The following MID1 variants were observed in gnomAD, a reference collection of about 807,000 sequenced individuals.
MID1 encodes E3 ubiquitin-protein ligase Midline-1.
Under a neutral mutation model 40.4 loss-of-function variants are expected in MID1, and 7 were observed. The ratio of observed to expected loss-of-function variants is 0.17; its 90% CI spans 0.10 to 0.33. MID1 has a LOEUF of 0.33. Ranked by LOEUF, MID1 falls within the 10% of genes least tolerant of loss-of-function variation. The pLI is 1.00. For synonymous variants in MID1, 229 were observed against 221.2 expected, an observed-to-expected ratio of 1.04 and a Z score of -0.31; for missense variants, 367 against 558.5, an observed-to-expected ratio of 0.66 and a Z score of 3.46.
At chrX:10,540,225 G>A (rs987448486) in intron 2 of MID1, among the ~76,000 whole-genome samples, 1 of 111,537 alleles carries the variant, frequency 9.0e-6, no homozygotes, top group African/African-American at 3.3e-5. Context: ...AAAAAGGATC[G>A]TGGAAGACTT....
rs748126421 is a variant in MID1, at chrX:10,459,740, G to A, written c.1353C>T (p.His451=). ...PNIKQNHYTV[H]GLQSGTKYIF... is the part of the protein sequence containing the mutation. ...TGTACTTGGTGCCGCTCTGCAGACCGTGCACCGTGTAGTGGTTCTGCTTGA... is the reference window on the plus strand; with the variant it reads ...TGTACTTGGTGCCGCTCTGCAGACCATGCACCGTGTAGTGGTTCTGCTTGA... Residue 451 remains histidine (H), a synonymous_variant, in exon 8 of 10, where the codon CAC becomes CAT. Transcript: ENST00000317552. 37 of 1,209,468 alleles carry A rather than the reference G, an allele frequency of 3.1e-5. No homozygotes were observed. Among genetic ancestry groups the A allele is most frequent in the Middle Eastern group, 2.3e-4 (1 of 4,338 alleles).
intron 1 of MID1, among the ~76,000 whole-genome samples, chrX:10,707,991 G>C (rs1248561621): frequency 8.8e-6 from 1 of 113,066 alleles, no homozygotes; most frequent in Non-Finnish European, 1.9e-5. Flanking sequence ...CACTAGTCAA[G>C]TGTGGTTTAA....
At chrX:10,467,037 C>T (rs774190236) in intron 7 of MID1, among the ~76,000 whole-genome samples, 2 of 111,097 alleles carry the variant, frequency 1.8e-5, no homozygotes, top group Non-Finnish European at 3.8e-5. Context: ...CTTGGGGATA[C>T]TGGGGCATTG....
chrX:10,682,142 TA>T (rs1180916790), intron 1 of MID1, among the ~76,000 whole-genome samples: 5 of 108,743 alleles, frequency 4.6e-5, no homozygotes, highest in South Asian at 3.9e-4. Context: ...CCCATCTCAA[TA>T]AAAAAAAATG....
At chrX:10,730,195 G>C (rs941533519) in intron 1 of MID1, among the ~76,000 whole-genome samples, 1 of 111,074 alleles carries the variant, frequency 9.0e-6, no homozygotes. Context: ...GTTATGTAGA[G>C]TATAGATTTG....
intron 1 of MID1, among the ~76,000 whole-genome samples, chrX:10,770,667 T>C (rs2043759680): frequency 8.9e-6 from 1 of 112,378 alleles, no homozygotes; most frequent in Non-Finnish European, 1.9e-5. Context: ...CTTTCATCAA[T>C]CATGTGCCTC....
At chrX:10,575,313 C>G (rs1476989934) in intron 1 of MID1, among the ~76,000 whole-genome samples, 1 of 111,911 alleles carries the variant, frequency 8.9e-6, no homozygotes, top group Non-Finnish European at 1.9e-5. Flanking sequence ...TACAGACTTT[C>G]AGAGGACTCA....
At chrX:10,741,082 A>G (rs1449407664) in intron 1 of MID1, among the ~76,000 whole-genome samples, 1 of 111,928 alleles carries the variant, frequency 8.9e-6, no homozygotes, top group East Asian at 2.8e-4. Context: ...TGATCGTGCA[A>G]AGGAGTATCT....
intron 1 of MID1, among the ~76,000 whole-genome samples, chrX:10,637,885 C>G (rs113585878): frequency 2.7e-5 from 3 of 111,428 alleles, no homozygotes; most frequent in African/African-American, 9.8e-5. Context: ...ACAGGGGAGG[C>G]TGGGGGAAAG....
At chrX:10,524,586 C>T (rs1932794607) in intron 2 of MID1, among the ~76,000 whole-genome samples, 1 of 110,727 alleles carries the variant, frequency 9.0e-6, no homozygotes, top group South Asian at 3.7e-4. Flanking sequence ...CTTATGTGTT[C>T]ATACAACAAG....
At chrX:10,580,665 T>A (rs1300713130) in intron 1 of MID1, among the ~76,000 whole-genome samples, 2 of 111,163 alleles carry the variant, frequency 1.8e-5, no homozygotes, top group Non-Finnish European at 3.8e-5. Context: ...AGTAAAAAAA[T>A]ATGTCTGATT....
intron 1 of MID1, among the ~76,000 whole-genome samples, chrX:10,717,653 C>A (rs1274070066): frequency 9.1e-6 from 1 of 110,002 alleles, no homozygotes; most frequent in Non-Finnish European, 1.9e-5. Flanking sequence ...AGAAAGTTAA[C>A]AAGGATATCC....
chrX:10,641,345 C>A (rs1393270902), intron 1 of MID1, among the ~76,000 whole-genome samples: 1 of 111,693 alleles, frequency 9.0e-6, no homozygotes, highest in Non-Finnish European at 1.9e-5. Flanking sequence ...GATATCACCA[C>A]CGATCCCACA....
intron 1 of MID1, among the ~76,000 whole-genome samples, chrX:10,726,645 A>G (rs1474404848): frequency 1.8e-5 from 2 of 112,780 alleles, no homozygotes; most frequent in African/African-American, 3.2e-5. Flanking sequence ...AAAGGATGGC[A>G]TAACAGAACC....
At chrX:10,807,914 T>A (rs1416146632) in intron 1 of MID1, among the ~76,000 whole-genome samples, 1 of 112,393 alleles carries the variant, frequency 8.9e-6, no homozygotes, top group African/African-American at 3.2e-5. Flanking sequence ...TATCCAGGTC[T>A]CCTAGGATAG....
intron 7 of MID1, among the ~76,000 whole-genome samples, chrX:10,461,706 G>T (rs1929052708): frequency 8.9e-6 from 1 of 111,736 alleles, no homozygotes; most frequent in Admixed American, 9.5e-5. Flanking sequence ...TATTATGTAG[G>T]ATAGTGTACT....
intron 7 of MID1, among the ~76,000 whole-genome samples, chrX:10,461,279 A>C (rs959816608): frequency 5.6e-5 from 6 of 107,564 alleles, no homozygotes; most frequent in Admixed American, 3.0e-4. Flanking sequence ...GCAAGAATGT[A>C]ATTTAGGACT....
intron 1 of MID1, among the ~76,000 whole-genome samples, chrX:10,590,971 T>C (rs1935284620): frequency 8.9e-6 from 1 of 111,978 alleles, no homozygotes; most frequent in African/African-American, 3.2e-5. Context: ...AAATGCATTT[T>C]AAGTGTGAGT....
At chrX:10,714,402 G>C (rs954981339) in intron 1 of MID1, among the ~76,000 whole-genome samples, 6 of 111,811 alleles carry the variant, frequency 5.4e-5, no homozygotes, top group Non-Finnish European at 9.4e-5. Flanking sequence ...CCCAAAGGGA[G>C]CCCTAAATCC....
Sources: gnomAD v4.1 joint callset for allele counts (sites outside exome capture counted in the v4.1 genomes callset) on GRCh38, gnomAD v4.1.1 for gene constraint, MANE v1.5 for transcripts, NCBI Gene and HGNC (gene_info 2026-07-23, HGNC 2026-07-21) for gene names.